The following TARS3 variants were observed in gnomAD, a reference collection of about 807,000 sequenced individuals.
TARS3 encodes the protein threonyl-tRNA synthetase 3.
In TARS3, 94 loss-of-function variants were observed where a neutral mutation model predicts 103.5. The ratio of observed to expected loss-of-function variants is 0.91; its 90% CI spans 0.77 to 1.08. The LOEUF (loss-of-function observed/expected upper bound fraction) is 1.08, where lower values mean the gene tolerates loss of function less well. TARS3 is among the 50% of genes least tolerant of loss of function. The pLI is 0.00. For missense variants in TARS3, 952 were observed against 995.2 expected (o/e 0.96, Z 0.58); for synonymous variants, 416 against 355.4 (o/e 1.17, Z -1.92).
chr15:101,677,613 C>T (rs1179724050), intron 12 of TARS3, among the ~76,000 whole-genome samples: 1 of 152,044 alleles, frequency 6.6e-6, no homozygotes, highest in African/African-American at 2.4e-5. Flanking sequence ...ATTCTCCTGT[C>T]TCAGCCTCCT....
At chr15:101,715,665 C>A (rs1900120222) in intron 3 of TARS3, among the ~76,000 whole-genome samples, 1 of 152,154 alleles carries the variant, frequency 6.6e-6, no homozygotes, top group Non-Finnish European at 1.5e-5. Context: ...CCTCAGATTG[C>A]CTTCCAAAGC....
chr15:101,709,646 G>A lies in TARS3; in HGVS notation c.813-736C>T, dbSNP rs57345572. 5.0e-3 allele frequency among the ~76,000 whole-genome samples: 758 copies of A among 152,272 alleles called. 39 individuals carry two copies. In the East Asian group the frequency reaches 0.12, roughly 25 times the overall value. ...GATGTTCCTATAGTCATCACCACCCGGCAGCAGATGGCTGCTTGTGCATTT... is the reference window on the plus strand; with the variant it reads ...GATGTTCCTATAGTCATCACCACCCAGCAGCAGATGGCTGCTTGTGCATTT... On this transcript the variant is annotated intron_variant, in intron 5 of 18. Coordinates refer to ENST00000335968, the MANE Select transcript of TARS3 (RefSeq NM_152334.3).
At chr15:101,667,891 G>A (rs931439395) in intron 15 of TARS3, among the ~76,000 whole-genome samples, 1 of 152,132 alleles carries the variant, frequency 6.6e-6, no homozygotes, top group Non-Finnish European at 1.5e-5. Context: ...ACTGCACCTG[G>A]CCCTGGAGAT....
chr15:101,688,465 G>A (rs1365883319), intron 10 of TARS3, among the ~76,000 whole-genome samples: 2 of 152,034 alleles, frequency 1.3e-5, no homozygotes, highest in Non-Finnish European at 2.9e-5. Flanking sequence ...TTTCATCCTG[G>A]AAATACCAGT....
intron 3 of TARS3, among the ~76,000 whole-genome samples, chr15:101,718,502 A>C (rs1030916926): frequency 6.6e-6 from 1 of 152,260 alleles, no homozygotes; most frequent in East Asian, 1.9e-4. Context: ...CAACTGACTA[A>C]AAGTTCAGAA....
chr15:101,710,605 C>T (rs950299579), intron 5 of TARS3, among the ~76,000 whole-genome samples: 54 of 152,154 alleles, frequency 3.5e-4, no homozygotes, highest in African/African-American at 1.2e-3. Context: ...AAACCCACAC[C>T]TTTGAGATAA....
intron 12 of TARS3, among the ~76,000 whole-genome samples, chr15:101,683,006 G>A (rs533501690): frequency 6.6e-6 from 1 of 151,984 alleles, no homozygotes; most frequent in Non-Finnish European, 1.5e-5. Flanking sequence ...ATTTTTATTT[G>A]TCTTTTTTCC....
chr15:101,685,229 T>C (rs1396260358), intron 11 of TARS3, among the ~76,000 whole-genome samples: 7 of 152,210 alleles, frequency 4.6e-5, no homozygotes, highest in Non-Finnish European at 1.0e-4. Context: ...TGGGATTGTT[T>C]TTTGTGGACA....
At chr15:101,702,133 A>ATT in intron 9 of TARS3, 106 bp downstream of exon 9, 1 of 1,376,508 alleles carries the variant, frequency 7.3e-7, no homozygotes, top group Non-Finnish European at 1.0e-6. Flanking sequence ...AAAATAGGAG[A>ATT]GAAGAAGAAG....
At chr15:101,661,145 A>ACCACAAGATGCACCACTCAAAAAG (rs1233529777) in intron 16 of TARS3, among the ~76,000 whole-genome samples, 50,375 of 99,486 alleles carry the variant, frequency 0.51, 10,732 homozygotes, top group Non-Finnish European at 0.58. Flanking sequence ...CACTCAAAAA[A>ACCACAAGATGCACCACTCAAAAAG]GACCACAAGA....
At chr15:101,675,319 A>T (rs554811264) in intron 13 of TARS3, among the ~76,000 whole-genome samples, 8 of 152,328 alleles carry the variant, frequency 5.3e-5, no homozygotes, top group African/African-American at 1.9e-4. Context: ...CAGCAATCAG[A>T]GGATTTCTTT....
At chr15:101,703,053 G>A (rs1188847944) in intron 8 of TARS3, among the ~76,000 whole-genome samples, 1 of 152,178 alleles carries the variant, frequency 6.6e-6, no homozygotes, top group Non-Finnish European at 1.5e-5. Flanking sequence ...CAATGATTAA[G>A]AACAGTGCCA....
intron 16 of TARS3, among the ~76,000 whole-genome samples, chr15:101,659,004 C>T (rs1319953969): frequency 6.6e-6 from 1 of 152,192 alleles, no homozygotes; most frequent in Admixed American, 6.5e-5. Context: ...GTTGGCCAGA[C>T]TGGTCTTGAA....
chr15:101,717,555 G>A (rs1900217633), intron 3 of TARS3, among the ~76,000 whole-genome samples: 1 of 152,212 alleles, frequency 6.6e-6, no homozygotes, highest in African/African-American at 2.4e-5. Context: ...ATGGATAGAA[G>A]GAGAAGTCAT....
intron 12 of TARS3, among the ~76,000 whole-genome samples, chr15:101,678,077 T>G (rs1898106248): frequency 6.6e-6 from 1 of 151,094 alleles, no homozygotes; most frequent in Non-Finnish European, 1.5e-5. Context: ...GCCTCCCAAG[T>G]TCAAGCGATT....
intron 10 of TARS3, chr15:101,695,802 G>C (rs1898945504): frequency 6.6e-6 from 1 of 152,524 alleles, no homozygotes; most frequent in African/African-American, 2.4e-5. Flanking sequence ...CTACTTGGGA[G>C]GCTGAGGCAG....
intron 2 of TARS3, 21 bp from the exon 3 acceptor site, chr15:101,721,343 A>C: frequency 6.3e-7 from 1 of 1,589,628 alleles, no homozygotes; most frequent in Non-Finnish European, 8.6e-7. Context: ...TTAGAACATA[A>C]TGAGATTAAT....
intron 16 of TARS3, among the ~76,000 whole-genome samples, chr15:101,660,688 A>G (rs1172580840): frequency 6.6e-6 from 1 of 152,232 alleles, no homozygotes; most frequent in Non-Finnish European, 1.5e-5. Flanking sequence ...GGGGATCACA[A>G]TTAATCACTG....
At chr15:101,716,617 G>C (rs1191838449) in intron 3 of TARS3, among the ~76,000 whole-genome samples, 1 of 151,994 alleles carries the variant, frequency 6.6e-6, no homozygotes, top group Non-Finnish European at 1.5e-5. Context: ...GGTACTTTGG[G>C]GGACGAGTAG....
Sources: allele counts gnomAD v4.1 joint callset (sites outside exome capture counted in the v4.1 genomes callset), GRCh38; gene constraint gnomAD v4.1.1; transcripts MANE v1.5; gene names NCBI Gene and HGNC (gene_info 2026-07-23, HGNC 2026-07-21).